HTR3A: variants seen among roughly 807,000 people sequenced by gnomAD.
The protein encoded by HTR3A is 5-hydroxytryptamine receptor 3A, also known as 5-hydroxytryptamine (serotonin) receptor 3A, ionotropic.
Under a neutral mutation model 54.8 loss-of-function variants are expected in HTR3A, and 45 were observed. The observed-to-expected ratio is 0.82, with a 90% CI of 0.65 to 1.05. The LOEUF (loss-of-function observed/expected upper bound fraction) is 1.05. Among genes scored for constraint, HTR3A ranks in the 50% least tolerant of loss-of-function variants. The pLI, the probability that HTR3A is intolerant of heterozygous loss-of-function variation, is 0.00. For synonymous variants in HTR3A, 297 were observed against 256.0 expected (o/e 1.16, Z -1.53); for missense variants, 657 against 614.0 (o/e 1.07, Z -0.74).
In HTR3A at chr11:113,979,085, T is replaced by C. The variant is rs554808988; in HGVS notation, c.220-148T>C. ...TGTCTGGCCAGGGAGCTCCAGTCTA[T>C]CTACTTTCCCGACCCCGGCCCCTGC... On this transcript the variant is annotated intron_variant, in intron 2 of 8. Coordinates refer to ENST00000504030, the MANE Select transcript of HTR3A (RefSeq NM_000869.6). 1.1e-3 allele frequency: 767 copies of C among 705,698 alleles called. 10 individuals carry two copies. In the South Asian group the frequency reaches 0.011, roughly 10 times the overall value. 43.7% of individuals were successfully genotyped at this position (705,698 alleles called of 1,614,324 possible).
intron 2 of HTR3A, among the ~76,000 whole-genome samples, chr11:113,978,210 TG>T (rs1453320255): frequency 6.6e-6 from 1 of 152,200 alleles, no homozygotes; most frequent in African/African-American, 2.4e-5. Flanking sequence ...CTATGTCAGC[TG>T]TATGAGGATT....
At chr11:113,978,790 A>G (rs1950386495) in intron 2 of HTR3A, among the ~76,000 whole-genome samples, 1 of 152,164 alleles carries the variant, frequency 6.6e-6, no homozygotes, top group African/African-American at 2.4e-5. Flanking sequence ...CAGGAGTTCA[A>G]GACCAGCCTG....
Position 113,987,687 on chromosome 11 carries a change from C to T in HTR3A, c.1138+641C>T, listed in dbSNP as rs539668974. Among the ~76,000 whole-genome samples, 130 of 152,084 alleles carry T rather than the reference C, an allele frequency of 8.5e-4. 1 individual carries two copies. The highest frequency in any genetic ancestry group is 6.8e-3 in the Middle Eastern group (2 of 292). ...GGTTGAGGCTGCAGGGAGCTGTGTT[C>T]GCATCACTGCATCCCACCTGGAGAT... On this transcript the variant is annotated intron_variant, in intron 8 of 8. Coordinates refer to ENST00000504030, the MANE Select transcript of HTR3A (RefSeq NM_000869.6).
intron 8 of HTR3A, among the ~76,000 whole-genome samples, chr11:113,987,586 G>T (rs1950507964): frequency 6.7e-6 from 1 of 149,258 alleles, no homozygotes; most frequent in Non-Finnish European, 1.5e-5. Context: ...TTTTTTTCAA[G>T]TTGGCTGGGC....
chr11:113,987,540 C>A (rs1565583302), intron 8 of HTR3A, among the ~76,000 whole-genome samples: 1 of 151,312 alleles, frequency 6.6e-6, no homozygotes, highest in African/African-American at 2.4e-5. Context: ...CGAGACCAGC[C>A]TGGCCAACAT....
rs529938710 is a variant in HTR3A, at chr11:113,975,196, A to AG, written c.-129dup. 4.5e-3 allele frequency: 3,748 copies of AG among 838,342 alleles called. 18 individuals are homozygous for AG. The highest frequency in any genetic ancestry group is 6.7e-3 in the Non-Finnish European group (3,383 of 505,382). 51.9% of individuals were successfully genotyped at this position (838,342 alleles called of 1,614,324 possible). ...CCAGGGAGTGTGAGGCTGCAGCCTCAGAAGGTGTGAGCAGTGGCCACGAGA... is the reference window on the plus strand; with the variant it reads ...CCAGGGAGTGTGAGGCTGCAGCCTCAGGAAGGTGTGAGCAGTGGCCACGAGA... On this transcript the variant is annotated 5_prime_UTR_variant, in exon 1 of 9. Coordinates refer to ENST00000504030, the MANE Select transcript of HTR3A (RefSeq NM_000869.6).
Position 113,981,321 on chromosome 11 carries a change from C to G in HTR3A, c.374+9C>G. The G allele has an allele frequency of 1.3e-6, 2 of 1,562,428 alleles. No individual in the cohort carries two copies. Among genetic ancestry groups the G allele is most frequent in the African/African-American group, 1.4e-5 (1 of 73,936 alleles). On this transcript the variant is annotated intron_variant, in intron 4 of 8. Coordinates refer to ENST00000504030, the MANE Select transcript of HTR3A (RefSeq NM_000869.6). ...ATTCTCATCAATGAGTTGTGAGTAC[C>G]GTTATCCATTGTGAGGTGGCTGGGT...
intron 4 of HTR3A, 71 bp from the exon 5 acceptor site, chr11:113,983,049 C>A: frequency 1.3e-6 from 2 of 1,577,554 alleles, no homozygotes; most frequent in East Asian, 4.5e-5. Context: ...CCCAGTTGTT[C>A]CAAGATCTTC....
chr11:113,977,994 C>A, intron 2 of HTR3A, 72 bp downstream of exon 2: 4 of 1,558,654 alleles, frequency 2.6e-6, no homozygotes, highest in East Asian at 2.2e-5. Flanking sequence ...AGACAAGTCA[C>A]CCCCTATGCA....
chr11:113,986,556 C>A lies in HTR3A; in HGVS notation c.744C>A (p.Ser248Arg), dbSNP rs1218620531. ...GGCGGCCCCTCTTCTATGTGGTCAG[C>A]CTGCTACTGCCCAGCATCTTCCTCA... ...IRRRPLFYVV[S>R]LLLPSIFLMV... Residue 248 changes from serine (S) to arginine (R), a missense_variant, in exon 7 of 9, where the codon AGC (serine) becomes AGA (arginine). By Grantham distance (110) the Ser-to-Arg change is moderately radical (BLOSUM62 -1). Coordinates refer to ENST00000504030, the MANE Select transcript of HTR3A (RefSeq NM_000869.6). 1 of 1,612,920 alleles carries A rather than the reference C, an allele frequency of 6.2e-7. No homozygotes were observed. The highest frequency in any genetic ancestry group is 1.7e-5 in the Admixed American group (1 of 60,008).
rs1025065163 is a variant in HTR3A at position 113,981,784 on chromosome 11, C to A, written c.374+472C>A. 7.2e-5 allele frequency among the ~76,000 whole-genome samples: 11 copies of A among 151,924 alleles called. No homozygotes were observed. In the South Asian group the frequency reaches 2.1e-3, roughly 29 times the overall value. Reference sequence around the variant, plus strand: ...ACTAGCCTGGCCAACATGGTGAAACCCCATCTCTACTAAAAATACAAAAAT... The same window carrying A: ...ACTAGCCTGGCCAACATGGTGAAACACCATCTCTACTAAAAATACAAAAAT... On this transcript the variant is annotated intron_variant, in intron 4 of 8. Transcript: ENST00000504030.
chr11:113,987,330 T>G (rs76882290), intron 8 of HTR3A, among the ~76,000 whole-genome samples: 1,999 of 152,280 alleles, frequency 0.013, 29 homozygotes, highest in Non-Finnish European at 0.018. Context: ...ATGGCCTCTC[T>G]CTAGGATGGA....
rs557326872 is a variant in HTR3A, at chr11:113,976,197, G to A, written c.67+805G>A. ...GTAAGATGTCCTTCCTCCCGGGAGC[G>A]GTCGTTTGGGAGTGCTCCGTGGGTT... On this transcript the variant is annotated intron_variant, in intron 1 of 8. Coordinates refer to ENST00000504030, the MANE Select transcript of HTR3A (RefSeq NM_000869.6). 2.9e-4 allele frequency among the ~76,000 whole-genome samples: 44 copies of A among 152,218 alleles called. 1 individual carries two copies. The South Asian group carries it at 8.7e-3, about 30-fold the overall frequency.
At chr11:113,987,798 A>G (rs913752295) in intron 8 of HTR3A, among the ~76,000 whole-genome samples, 1 of 152,220 alleles carries the variant, frequency 6.6e-6, no homozygotes, top group African/African-American at 2.4e-5. Context: ...TCAAACACCT[A>G]TGAGGCAGAG....
intron 1 of HTR3A, 83 bp downstream of exon 1, chr11:113,975,475 G>A (rs1950341504): frequency 1.7e-6 from 2 of 1,145,296 alleles, no homozygotes; most frequent in Admixed American, 1.9e-5. Flanking sequence ...TCCGAGGGCT[G>A]TGGAGAGGAG....
At chr11:113,985,959 G>C (rs10160548) in intron 5 of HTR3A, 56 bp from the exon 6 acceptor site, 2 of 1,601,882 alleles carry the variant, frequency 1.2e-6, no homozygotes, top group Non-Finnish European at 8.6e-7. Flanking sequence ...TCATCACAGG[G>C]TCCAGCAGGC....
intron 3 of HTR3A, 26 bp downstream of exon 3, chr11:113,979,303 C>T (rs764519938): frequency 1.3e-6 from 2 of 1,584,548 alleles, no homozygotes; most frequent in African/African-American, 2.7e-5. Context: ...CCTCCCTGCC[C>T]CCGTTACCCA....
chr11:113,979,564 C>T (rs1032024342), intron 3 of HTR3A, among the ~76,000 whole-genome samples: 2 of 152,182 alleles, frequency 1.3e-5, no homozygotes, highest in African/African-American at 4.8e-5. Flanking sequence ...ACTCATGAGC[C>T]AGCCCCTTCA....
chr11:113,987,179 G>A, intron 8 of HTR3A, 133 bp downstream of exon 8: 5 of 943,730 alleles, frequency 5.3e-6, no homozygotes, highest in Non-Finnish European at 5.0e-6. Context: ...GCCTTACTTG[G>A]GGTGGGGGCA....
Sources: allele counts gnomAD v4.1 joint callset (sites outside exome capture counted in the v4.1 genomes callset), GRCh38; gene constraint gnomAD v4.1.1; transcripts MANE v1.5; gene names NCBI Gene and HGNC (gene_info 2026-07-23, HGNC 2026-07-21).